Variants in PLS3 observed in about 807,000 individuals in gnomAD.
PLS3 encodes plastin 3, also known as plastin-3.
A neutral mutation model predicts 46.5 loss-of-function variants in PLS3; 11 were observed. That is an observed-to-expected ratio of 0.24 (90% confidence interval 0.15 to 0.39). The LOEUF (loss-of-function observed/expected upper bound fraction) is 0.39, where lower values mean the gene tolerates loss of function less well. Ranked by LOEUF, PLS3 falls within the 10% of genes least tolerant of loss-of-function variation. The pLI is 1.00. For synonymous variants in PLS3, 167 were observed against 162.2 expected (o/e 1.03, Z -0.22); for missense variants, 308 against 461.8 (o/e 0.67, Z 3.05).
intron 2 of PLS3, among the ~76,000 whole-genome samples, chrX:115,615,286 A>G (rs1396162110): frequency 9.0e-6 from 1 of 110,858 alleles, no homozygotes; most frequent in Non-Finnish European, 1.9e-5. Context: ...GGGAGGGAAA[A>G]CATTTCCTTT....
chrX:115,616,137 A>C (rs782795614), intron 2 of PLS3, among the ~76,000 whole-genome samples: 9 of 112,173 alleles, frequency 8.0e-5, no homozygotes, highest in African/African-American at 2.9e-4. Context: ...GTTTATGTCA[A>C]AACTCAGAAT....
chrX:115,608,647 A>G (rs28615456), intron 1 of PLS3, among the ~76,000 whole-genome samples: 1,690 of 111,864 alleles, frequency 0.015, 23 homozygotes, highest in African/African-American at 0.048. Flanking sequence ...TACCTTTTCT[A>G]TGTTTAGATA....
chrX:115,579,967 C>G lies in PLS3; in HGVS notation c.-9+18707C>G, dbSNP rs2074271129. ...CGTCTGGCCTCAAGCAGTACTCCGC[C>G]CTTGGCCTCCTACTGTGCTGGGATT... On this transcript the variant is annotated intron_variant, in intron 1 of 15. Transcript: ENST00000355899. 2.7e-5 allele frequency among the ~76,000 whole-genome samples: 3 copies of G among 111,629 alleles called. No homozygotes were observed. In the South Asian group the frequency reaches 1.1e-3, roughly 42 times the overall value.
intron 1 of PLS3, among the ~76,000 whole-genome samples, chrX:115,583,480 T>C (rs907081033): frequency 1.5e-4 from 17 of 112,473 alleles, no homozygotes; most frequent in African/African-American, 3.9e-4. Flanking sequence ...AAACAGCGAG[T>C]CAACTATTTT....
At chrX:115,615,097 T>G (rs1006773639) in intron 2 of PLS3, among the ~76,000 whole-genome samples, 26 of 111,281 alleles carry the variant, frequency 2.3e-4, no homozygotes, top group African/African-American at 8.2e-4. Flanking sequence ...TAGTCTTTCT[T>G]ACTGTCAAAT....
chrX:115,625,849 C>T (rs782192890), intron 3 of PLS3, among the ~76,000 whole-genome samples: 6 of 111,106 alleles, frequency 5.4e-5, no homozygotes, highest in East Asian at 2.8e-4. Context: ...AGAAGTTAGC[C>T]GGTTGCTGAG....
At chrX:115,648,756 C>G (rs935952882) in intron 15 of PLS3, among the ~76,000 whole-genome samples, 1 of 111,888 alleles carries the variant, frequency 8.9e-6, no homozygotes, top group Non-Finnish European at 1.9e-5. Context: ...GGTCTAATAT[C>G]CACAATATAT....
chrX:115,621,898 T>C (rs2074659337), intron 2 of PLS3, among the ~76,000 whole-genome samples: 1 of 111,995 alleles, frequency 8.9e-6, no homozygotes, highest in African/African-American at 3.2e-5. Flanking sequence ...AATTGTTCTA[T>C]ACCATGGAAG....
intron 2 of PLS3, among the ~76,000 whole-genome samples, chrX:115,611,602 G>C (rs782117602): frequency 9.0e-6 from 1 of 111,535 alleles, no homozygotes; most frequent in African/African-American, 3.2e-5. Flanking sequence ...TTTATGAATA[G>C]AATTTCAGAG....
intron 8 of PLS3, chrX:115,639,903 T>C (rs1556640784): frequency 2.3e-6 from 1 of 437,583 alleles, no homozygotes; most frequent in East Asian, 3.9e-5. Flanking sequence ...TTCAGTGTTA[T>C]TTTAGCAACT....
At chrX:115,622,173 A>G (rs1251141025) in intron 2 of PLS3, 73 bp from the exon 3 acceptor site, 2 of 842,361 alleles carry the variant, frequency 2.4e-6, no homozygotes, top group Non-Finnish European at 3.4e-6. Context: ...CTGAACCTCA[A>G]ATGAAGGGAA....
chrX:115,577,428 G>A (rs1179100273), intron 1 of PLS3, among the ~76,000 whole-genome samples: 2 of 111,143 alleles, frequency 1.8e-5, no homozygotes, highest in Non-Finnish European at 3.8e-5. Flanking sequence ...AAAAGTTTTT[G>A]AAAACTCTAA....
intron 1 of PLS3, among the ~76,000 whole-genome samples, chrX:115,567,623 A>C (rs1251156006): frequency 9.4e-6 from 1 of 106,876 alleles, no homozygotes; most frequent in African/African-American, 3.4e-5. Flanking sequence ...ACAAACAAAC[A>C]AAAAAAAACA....
At chrX:115,604,892 G>A (rs1460327767) in intron 1 of PLS3, among the ~76,000 whole-genome samples, 4 of 111,604 alleles carry the variant, frequency 3.6e-5, no homozygotes, top group African/African-American at 1.3e-4. Context: ...CTTCCTTAAA[G>A]ACACCATCAA....
chrX:115,576,073 A>C (rs1032627112), intron 1 of PLS3, among the ~76,000 whole-genome samples: 2 of 112,119 alleles, frequency 1.8e-5, no homozygotes, highest in Non-Finnish European at 3.8e-5. Context: ...GTACTATTCA[A>C]GTGTGAAATA....
At chrX:115,606,339 C>T (rs1556635312) in intron 1 of PLS3, among the ~76,000 whole-genome samples, 1 of 107,405 alleles carries the variant, frequency 9.3e-6, no homozygotes, top group East Asian at 2.9e-4. Flanking sequence ...GGTTTCACCA[C>T]GTTGGCCAGG....
intron 1 of PLS3, among the ~76,000 whole-genome samples, chrX:115,594,780 C>G (rs1317364044): frequency 2.7e-5 from 3 of 110,352 alleles, no homozygotes; most frequent in Non-Finnish European, 3.8e-5. Context: ...GGAAATACTT[C>G]TTAGGTATGA....
chrX:115,646,593 T>A, intron 13 of PLS3, 58 bp downstream of exon 13: 1 of 1,046,745 alleles, frequency 9.6e-7, no homozygotes, highest in African/African-American at 1.8e-5. Context: ...TGTGATTTAG[T>A]CCTTACTGTG....
intron 1 of PLS3, among the ~76,000 whole-genome samples, chrX:115,576,300 G>A (rs781874163): frequency 3.6e-5 from 4 of 111,973 alleles, no homozygotes; most frequent in South Asian, 3.8e-4. Flanking sequence ...CGGAAATGAC[G>A]GCTCATGCCT....
Sources: allele counts gnomAD v4.1 joint callset (sites outside exome capture counted in the v4.1 genomes callset), GRCh38; gene constraint gnomAD v4.1.1; transcripts MANE v1.5; gene names NCBI Gene and HGNC (gene_info 2026-07-23, HGNC 2026-07-21).